The following GNAL variants were observed in gnomAD, a reference collection of about 807,000 sequenced individuals.
The protein encoded by GNAL is G protein subunit alpha L, also known as guanine nucleotide-binding protein G(olf) subunit alpha.
GNAL carries 18 observed loss-of-function variants against 55.1 expected under a neutral mutation model. The observed-to-expected ratio is 0.33, with a 90% CI of 0.23 to 0.48. The LOEUF is 0.48. Among genes scored for constraint, GNAL ranks in the 20% least tolerant of loss-of-function variants. GNAL has a pLI of 0.99. For missense variants in GNAL, 412 were observed against 614.1 expected, an observed-to-expected ratio of 0.67 and a Z score of 3.48; for synonymous variants, 253 against 237.0, an observed-to-expected ratio of 1.07 and a Z score of -0.62.
At chr18:11,696,885 A>T in intron 1 of GNAL, among the ~76,000 whole-genome samples, 1 of 152,156 alleles carries the variant, frequency 6.6e-6, no homozygotes, top group East Asian at 1.9e-4. Flanking sequence ...GACCCACTAA[A>T]AGATGCAGAG....
chr18:11,875,527 A>G (rs2036510349), intron 10 of GNAL, among the ~76,000 whole-genome samples: 1 of 152,146 alleles, frequency 6.6e-6, no homozygotes, highest in Non-Finnish European at 1.5e-5. Flanking sequence ...TTTTCAAGAT[A>G]GTGAATGGGT....
chr18:11,857,728 G>C (rs1323676391), intron 5 of GNAL: 2 of 985,274 alleles, frequency 2.0e-6, no homozygotes, highest in African/African-American at 3.5e-5. Flanking sequence ...CCCCTTTTAA[G>C]GAGCAGGGAA....
In GNAL at chr18:11,881,246, G is replaced by T; in HGVS notation, c.*111G>T. ...GTTCCATCTCGCTGCCGTCTGTCCC[G>T]TTCTGTGTCGACCACCAAGCCTCTG... On this transcript the variant is annotated 3_prime_UTR_variant, in exon 12 of 12. Coordinates refer to ENST00000334049, the MANE Select transcript of GNAL (RefSeq NM_182978.4). This position sits in a 1 kb window ranked among gnomAD's most constrained non-coding sequence, Gnocchi z 4.8. 1.8e-6 allele frequency: 2 copies of T among 1,104,394 alleles called. No homozygotes were observed. 68.4% of individuals were successfully genotyped at this position (1,104,394 alleles called of 1,614,324 possible). A position where few individuals can be genotyped will look rare whatever the true frequency, so the allele number is the denominator to read the frequency against.
intron 11 of GNAL, among the ~76,000 whole-genome samples, chr18:11,879,389 A>G (rs946303598): frequency 8.6e-5 from 13 of 152,044 alleles, no homozygotes; most frequent in African/African-American, 3.1e-4. Flanking sequence ...CCTCTGTCTA[A>G]GTCTGCCCGG....
At chr18:11,839,387 T>TA (rs75127479) in intron 5 of GNAL, among the ~76,000 whole-genome samples, 89 of 134,920 alleles carry the variant, frequency 6.6e-4, no homozygotes, top group Middle Eastern at 3.8e-3. Flanking sequence ...CTACTAAAAG[T>TA]AAAAAAAAAA....
intron 11 of GNAL, among the ~76,000 whole-genome samples, chr18:11,877,396 G>A (rs375666489): frequency 1.3e-4 from 20 of 152,144 alleles, no homozygotes; most frequent in African/African-American, 3.9e-4. Flanking sequence ...CGGAGGTTGC[G>A]GTGAGCCGAG....
At chr18:11,774,608 T>A (rs1453767032) in intron 4 of GNAL, among the ~76,000 whole-genome samples, 1 of 152,076 alleles carries the variant, frequency 6.6e-6, no homozygotes, top group Admixed American at 6.5e-5. Flanking sequence ...ATTTCATATG[T>A]GAGAAAACAG....
At chr18:11,790,176 T>C (rs7230614) in intron 4 of GNAL, among the ~76,000 whole-genome samples, 152,032 of 152,340 alleles carry the variant, frequency 1, 75,863 homozygotes, top group Middle Eastern at 1. Flanking sequence ...TCAAGCCAGT[T>C]GTTGGATGAG....
intron 4 of GNAL, among the ~76,000 whole-genome samples, chr18:11,813,448 A>C (rs550936517): frequency 1.3e-5 from 2 of 152,324 alleles, no homozygotes; most frequent in East Asian, 3.9e-4. Flanking sequence ...GCAAAAATTC[A>C]AAAGACTTAG....
At position 11,867,131 on chromosome 18, in the gene GNAL, T is replaced by G. The variant is rs575182824; in HGVS notation, c.852-37T>G. 3 of 1,531,730 alleles carry G rather than the reference T, an allele frequency of 2.0e-6. No individual in the cohort carries two copies. In the East Asian group the frequency reaches 6.7e-5, roughly 34 times the overall value. The allele number at this position is 1,531,730 out of a possible 1,614,324, so 94.9% of individuals were successfully genotyped here. On this transcript the variant is annotated intron_variant, in intron 7 of 11. Coordinates refer to ENST00000334049, the MANE Select transcript of GNAL (RefSeq NM_182978.4). Reference sequence around the variant, plus strand: ...AGCACGTTTGCCATTGTCCCCTGCTTCCCCCAAATAATTGTGTTCCTCTTG... The same window carrying G: ...AGCACGTTTGCCATTGTCCCCTGCTGCCCCCAAATAATTGTGTTCCTCTTG...
intron 1 of GNAL, among the ~76,000 whole-genome samples, chr18:11,722,877 G>A (rs1222779914): frequency 6.6e-6 from 1 of 152,202 alleles, no homozygotes; most frequent in African/African-American, 2.4e-5. Flanking sequence ...TGGGCGTGGT[G>A]GCGCATGCCT....
intron 1 of GNAL, among the ~76,000 whole-genome samples, chr18:11,703,834 C>CAG (rs1491033908): frequency 6.9e-6 from 1 of 145,236 alleles, no homozygotes; most frequent in Admixed American, 6.9e-5. Context: ...CACACACACA[C>CAG]AGTGAAGTGC....
intron 4 of GNAL, among the ~76,000 whole-genome samples, chr18:11,781,934 A>G (rs898238032): frequency 2.6e-5 from 4 of 152,240 alleles, no homozygotes; most frequent in Admixed American, 2.6e-4. Flanking sequence ...GGCACTGTTT[A>G]TAACAAGAAA....
chr18:11,689,914 G>A lies in GNAL; in HGVS notation c.351G>A (p.Gln117=). 6.9e-7 allele frequency: 1 copy of A among 1,444,330 alleles called. No individual in the cohort carries two copies. The highest frequency in any genetic ancestry group is 9.1e-7 in the Non-Finnish European group (1 of 1,096,516). 89.5% of individuals were successfully genotyped at this position (1,444,330 alleles called of 1,614,324 possible). A position where few individuals can be genotyped will look rare whatever the true frequency, so the allele number is the denominator to read the frequency against. The stretch of plus-strand genomic sequence containing the variant: ...TGCGCGACCAGAAGCGCGACCTGCA[G>A]CAGACGCACCGGCTCCTGCTGCTCG... ...RMLRDQKRDL[Q]QTHRLLLLGA... Residue 117 remains glutamine, a synonymous_variant, in exon 1 of 12, where the codon CAG becomes CAA. Transcript: ENST00000334049.
chr18:11,829,640 G>C (rs139272762), intron 5 of GNAL, among the ~76,000 whole-genome samples: 85 of 152,268 alleles, frequency 5.6e-4, no homozygotes, highest in African/African-American at 1.9e-3. Flanking sequence ...CAGCCTACTA[G>C]GTTTTGAATT....
At chr18:11,801,788 C>T (rs574824192) in intron 4 of GNAL, among the ~76,000 whole-genome samples, 2 of 152,094 alleles carry the variant, frequency 1.3e-5, no homozygotes, top group Admixed American at 1.3e-4. Flanking sequence ...ATGGTTTATT[C>T]TGAGCCATTG....
chr18:11,721,948 A>G (rs1430919104), intron 1 of GNAL, among the ~76,000 whole-genome samples: 1 of 151,882 alleles, frequency 6.6e-6, no homozygotes, highest in Non-Finnish European at 1.5e-5. Context: ...AAATAGTCTC[A>G]CCATAGCTGA....
At chr18:11,765,540 G>A (rs1041729140) in intron 4 of GNAL, among the ~76,000 whole-genome samples, 6 of 152,042 alleles carry the variant, frequency 3.9e-5, no homozygotes, top group Admixed American at 6.6e-5. Context: ...TTTTGTGCCC[G>A]TTGATCATTC....
chr18:11,724,972 C>T (rs900491384), intron 1 of GNAL, among the ~76,000 whole-genome samples: 5 of 152,212 alleles, frequency 3.3e-5, no homozygotes, highest in Non-Finnish European at 5.9e-5. Context: ...TCTGACACCT[C>T]GAGCACCATG....
Sources: gnomAD v4.1 joint callset for allele counts (sites outside exome capture counted in the v4.1 genomes callset) on GRCh38, gnomAD v4.1.1 for gene constraint, Gnocchi (gnomAD v3.1) non-coding constraint, MANE v1.5 for transcripts, NCBI Gene and HGNC (gene_info 2026-07-23, HGNC 2026-07-21) for gene names.